The following CFAP52 variants were observed in gnomAD, a reference collection of about 807,000 sequenced individuals.
CFAP52 encodes the protein cilia- and flagella-associated protein 52.
Under a neutral mutation model 70.5 loss-of-function variants are expected in CFAP52, and 57 were observed. The observed-to-expected ratio is 0.81, with a 90% CI of 0.65 to 1.01. The LOEUF (loss-of-function observed/expected upper bound fraction) is 1.01, where lower values mean the gene tolerates loss of function less well. CFAP52 is among the 50% of genes least tolerant of loss of function. The pLI is 0.00. For missense variants in CFAP52, 785 were observed against 788.5 expected (o/e 1.00, Z 0.05); for synonymous variants, 267 against 292.5 (o/e 0.91, Z 0.89).
At chr17:9,594,121 G>A in intron 3 of CFAP52, 72 bp from the exon 4 acceptor site, 1 of 1,506,254 alleles carries the variant, frequency 6.6e-7, no homozygotes, top group Non-Finnish European at 8.9e-7. Context: ...GAACCACTAA[G>A]ATGGTTGTTT....
At chr17:9,576,846 G>C in intron 1 of CFAP52, 81 bp downstream of exon 1, 2 of 1,438,588 alleles carry the variant, frequency 1.4e-6, no homozygotes, top group Non-Finnish European at 1.9e-6. Context: ...TGAGACACCG[G>C]GGACACCTGA....
intron 9 of CFAP52, among the ~76,000 whole-genome samples, chr17:9,632,654 T>A (rs1910602923): frequency 6.8e-6 from 1 of 147,800 alleles, no homozygotes; most frequent in South Asian, 2.1e-4. Context: ...GTTGGGTAGA[T>A]GGAATTGAGG....
At chr17:9,586,107 T>A in intron 2 of CFAP52, 135 bp downstream of exon 2, 1 of 930,914 alleles carries the variant, frequency 1.1e-6, no homozygotes, top group African/African-American at 1.7e-5. Context: ...ACTTCTCTTT[T>A]AACCCATTTT....
intron 6 of CFAP52, among the ~76,000 whole-genome samples, chr17:9,606,529 C>A (rs1909497203): frequency 6.6e-6 from 1 of 152,194 alleles, no homozygotes; most frequent in Non-Finnish European, 1.5e-5. Flanking sequence ...GTACCATTTT[C>A]ATCCCTGCTT....
At chr17:9,586,608 G>T in intron 2 of CFAP52, 90 bp from the exon 3 acceptor site, 2 of 1,377,972 alleles carry the variant, frequency 1.5e-6, no homozygotes, top group Non-Finnish European at 1.9e-6. Context: ...AAAAGTGACA[G>T]TACTAATTGT....
chr17:9,638,822 G>T (rs1910924984), intron 12 of CFAP52, 111 bp downstream of exon 12: 1 of 1,016,998 alleles, frequency 9.8e-7, no homozygotes, highest in Non-Finnish European at 1.5e-6. Context: ...TCCAATGGTG[G>T]TCTGTCATCA....
intron 6 of CFAP52, among the ~76,000 whole-genome samples, chr17:9,606,757 A>G (rs1039174522): frequency 1.3e-5 from 2 of 152,190 alleles, no homozygotes; most frequent in Non-Finnish European, 2.9e-5. Context: ...GATAAATGCT[A>G]AAAAATTCAC....
intron 1 of CFAP52, among the ~76,000 whole-genome samples, chr17:9,583,816 G>C (rs923588041): frequency 3.3e-5 from 5 of 152,110 alleles, no homozygotes; most frequent in Non-Finnish European, 5.9e-5. Context: ...ATATTACAAG[G>C]GTTTATAATT....
intron 12 of CFAP52, among the ~76,000 whole-genome samples, chr17:9,641,472 C>A (rs1795377950): frequency 6.6e-6 from 1 of 152,160 alleles, no homozygotes; most frequent in South Asian, 2.1e-4. Flanking sequence ...TATCAAAAGC[C>A]CTTTCTGTCT....
intron 3 of CFAP52, among the ~76,000 whole-genome samples, chr17:9,593,896 C>T (rs549088236): frequency 6.6e-5 from 10 of 151,816 alleles, no homozygotes; most frequent in Middle Eastern, 3.2e-3. Context: ...ATCCAGGAGG[C>T]GGAGGTTGCA....
chr17:9,584,797 ATT>A, intron 1 of CFAP52, among the ~76,000 whole-genome samples: 1 of 151,754 alleles, frequency 6.6e-6, no homozygotes, highest in Admixed American at 6.6e-5. Flanking sequence ...AATTTTTTGT[ATT>A]TTTAGTAGAG....
chr17:9,601,410 AT>A (rs1236578617), intron 6 of CFAP52, among the ~76,000 whole-genome samples: 1 of 152,162 alleles, frequency 6.6e-6, no homozygotes, highest in African/African-American at 2.4e-5. Flanking sequence ...TTAAAGTATA[AT>A]AATAATAAAA....
At chr17:9,578,675 A>T (rs1908077976) in intron 1 of CFAP52, among the ~76,000 whole-genome samples, 1 of 152,130 alleles carries the variant, frequency 6.6e-6, no homozygotes. Context: ...CCTCCAGAGT[A>T]GCTGGGATTA....
At chr17:9,631,056 A>AAGAGAGAGAGAG (rs1910500990) in intron 9 of CFAP52, among the ~76,000 whole-genome samples, 1 of 70,904 alleles carries the variant, frequency 1.4e-5, no homozygotes, top group African/African-American at 6.9e-5. Flanking sequence ...GAGAGAGAGA[A>AAGAGAGAGAGAG]AGAAAGAAAG....
chr17:9,630,603 T>C (rs1910435757), intron 9 of CFAP52, among the ~76,000 whole-genome samples: 3 of 150,488 alleles, frequency 2.0e-5, no homozygotes, highest in Non-Finnish European at 4.4e-5. Flanking sequence ...CTAATTTTTC[T>C]GTATGTTTAG....
intron 8 of CFAP52, among the ~76,000 whole-genome samples, chr17:9,623,516 T>A (rs2151945860): frequency 6.6e-6 from 1 of 152,344 alleles, no homozygotes; most frequent in South Asian, 2.1e-4. Flanking sequence ...TAAAGAGTCA[T>A]AAACATTTTC....
intron 8 of CFAP52, among the ~76,000 whole-genome samples, chr17:9,622,216 T>C (rs1003398391): frequency 1.6e-4 from 24 of 152,316 alleles, no homozygotes; most frequent in African/African-American, 5.8e-4. Context: ...TAGATTCTTT[T>C]TGTTTTGGAA....
chr17:9,603,330 T>C (rs1235953512), intron 6 of CFAP52, among the ~76,000 whole-genome samples: 1 of 152,140 alleles, frequency 6.6e-6, no homozygotes, highest in Non-Finnish European at 1.5e-5. Flanking sequence ...TGACTCAGTC[T>C]CCAGAGTAGC....
At chr17:9,583,227 C>A (rs950794776) in intron 1 of CFAP52, among the ~76,000 whole-genome samples, 1 of 151,932 alleles carries the variant, frequency 6.6e-6, no homozygotes, top group South Asian at 2.1e-4. Flanking sequence ...AAGACATAAA[C>A]CTTGGTATTA....
Sources: gnomAD v4.1 joint callset for allele counts (sites outside exome capture counted in the v4.1 genomes callset) on GRCh38, gnomAD v4.1.1 for gene constraint, MANE v1.5 for transcripts, NCBI Gene and HGNC (gene_info 2026-07-23, HGNC 2026-07-21) for gene names.